The following BTLA variants were observed in gnomAD, a reference collection of about 807,000 sequenced individuals.
BTLA encodes the protein B- and T-lymphocyte attenuator.
In BTLA, 11 loss-of-function variants were observed where a neutral mutation model predicts 25.0. The ratio of observed to expected loss-of-function variants is 0.44; its 90% CI spans 0.28 to 0.73. The LOEUF is 0.73. Among genes scored for constraint, BTLA ranks in the 30% least tolerant of loss-of-function variants. The pLI, the probability that BTLA is intolerant of heterozygous loss-of-function variation, is 0.15. For missense variants in BTLA, 282 were observed against 332.8 expected (o/e 0.85, Z 1.19); for synonymous variants, 104 against 119.8 (o/e 0.87, Z 0.86).
rs865878075 is a variant in BTLA at position 112,466,525 on chromosome 3, C to T, written c.595-142G>A. On this transcript the variant is annotated intron_variant, in intron 4 of 4. Transcript: ENST00000334529. ...TACTGTTCCTCACATACTCTGCTGA[C>T]ATCTACACTTTCAGCTAAATTTCAA... 5.3e-5 allele frequency: 35 copies of T among 666,476 alleles called. No individual in the cohort carries two copies. In the South Asian group the frequency reaches 9.1e-4, roughly 17 times the overall value. 41.3% of individuals were successfully genotyped at this position (666,476 alleles called of 1,614,324 possible). A position where few individuals can be genotyped will look rare whatever the true frequency, so the allele number is the denominator to read the frequency against.
In BTLA at chr3:112,471,271, C is replaced by G. The variant is rs760514980; in HGVS notation, c.488G>C (p.Gly163Ala). The change falls in exon 3 of 5, where the codon GGA becomes GCA. Residue 163 changes from glycine to alanine, a missense_variant. By Grantham distance (60) the Gly-to-Ala change is moderately conservative. Around this residue, in one of 2 missense-constraint regions of BTLA, gnomAD observed 163 missense variants for 230.4 expected, o/e 0.71. Transcript: ENST00000334529. ...WLLYRLLPLG[G>A]LPLLITTCFC... ...ACAGGTAGTGATGAGTAGAGGCAAT[C>G]CCCCCAAAGGAAGTAAACGATACAG... is the stretch of plus-strand genomic sequence containing the variant. 12 of 1,614,048 alleles carry G rather than the reference C, an allele frequency of 7.4e-6. No homozygotes were observed. The highest frequency in any genetic ancestry group is 1.0e-5 in the Non-Finnish European group (12 of 1,179,958).
At chr3:112,471,381 G>C in intron 2 of BTLA, 26 bp from the exon 3 acceptor site, 1 of 1,610,522 alleles carries the variant, frequency 6.2e-7, no homozygotes, top group Non-Finnish European at 8.5e-7. Flanking sequence ...ATGCTAAAGA[G>C]AGTTAGGAAA....
At chr3:112,473,830 G>T (rs2082275939) in intron 2 of BTLA, among the ~76,000 whole-genome samples, 1 of 151,944 alleles carries the variant, frequency 6.6e-6, no homozygotes, top group Non-Finnish European at 1.5e-5. Flanking sequence ...TGACCAGGCT[G>T]ATCTCAAACT....
At chr3:112,473,856 T>C (rs957853724) in intron 2 of BTLA, among the ~76,000 whole-genome samples, 2 of 152,070 alleles carry the variant, frequency 1.3e-5, no homozygotes, top group Non-Finnish European at 2.9e-5. Context: ...CCTCAAGTGA[T>C]TTGTTCGTCT....
chr3:112,466,240 T>C lies in BTLA; in HGVS notation c.738A>G (p.Pro246=), dbSNP rs150521270. ...TGCCTGGTTTGTTTTCTTCCAGGCATGGATTAGAATAAACTTCAGACCCTT... is the reference window on the plus strand; with the variant it reads ...TGCCTGGTTTGTTTTCTTCCAGGCACGGATTAGAATAAACTTCAGACCCTT... The part of the protein sequence containing the change: ...MQEGSEVYSN[P]CLEENKPGIV... Residue 246 remains proline, a synonymous_variant, in exon 5 of 5, where the codon CCA becomes CCG. Coordinates refer to ENST00000334529, the MANE Select transcript of BTLA (RefSeq NM_181780.4). 6.3e-5 allele frequency: 101 copies of C among 1,613,998 alleles called. No homozygotes were observed. The highest frequency in any genetic ancestry group is 6.0e-5 in the Non-Finnish European group (71 of 1,179,990).
At chr3:112,498,425 C>T (rs1017894070) in intron 1 of BTLA, among the ~76,000 whole-genome samples, 2 of 151,928 alleles carry the variant, frequency 1.3e-5, no homozygotes, top group Admixed American at 6.6e-5. Flanking sequence ...GAGAGCAAAA[C>T]TCTTGTCTCA....
chr3:112,489,903 T>G (rs11919639), intron 1 of BTLA, among the ~76,000 whole-genome samples: 11,954 of 152,210 alleles, frequency 0.079, 591 homozygotes, highest in African/African-American at 0.14. Flanking sequence ...AATCTGTCTC[T>G]CAAATCTTCC....
intron 1 of BTLA, among the ~76,000 whole-genome samples, chr3:112,482,037 A>C (rs1053492671): frequency 3.3e-5 from 5 of 152,150 alleles, no homozygotes; most frequent in African/African-American, 1.2e-4. Flanking sequence ...TCCAGTTTCC[A>C]ATGGCTTGTT....
At chr3:112,475,316 G>C (rs1389751673) in intron 2 of BTLA, among the ~76,000 whole-genome samples, 2 of 152,048 alleles carry the variant, frequency 1.3e-5, no homozygotes, top group African/African-American at 2.4e-5. Flanking sequence ...AACTGACAAG[G>C]CCCTTCATGT....
chr3:112,466,145 G>T lies in BTLA; in HGVS notation c.833C>A (p.Ala278Glu), dbSNP rs1478845736. 1.9e-6 allele frequency: 3 copies of T among 1,608,710 alleles called. No individual in the cohort carries two copies. The highest frequency in any genetic ancestry group is 2.2e-5 in the East Asian group (1 of 44,700). ...NSRLARNVKE[A>E]PTEYASICVR... Reference sequence around the variant, plus strand: ...ACATATGGATGCATATTCTGTTGGTGCTTCTTTTACATTTCTTGCCAGTCT... The same window carrying T: ...ACATATGGATGCATATTCTGTTGGTTCTTCTTTTACATTTCTTGCCAGTCT... The change falls in exon 5 of 5, where the codon GCA becomes GAA. Residue 278 changes from alanine (A) to glutamate (E), a missense_variant. Transcript: ENST00000334529.
At chr3:112,481,623 T>C (rs1225043022) in intron 1 of BTLA, among the ~76,000 whole-genome samples, 2 of 152,234 alleles carry the variant, frequency 1.3e-5, no homozygotes, top group African/African-American at 4.8e-5. Context: ...CTCAAAGGCT[T>C]TGAAATGCCT....
intron 4 of BTLA, among the ~76,000 whole-genome samples, chr3:112,466,695 C>CA (rs1188412138): frequency 2.0e-5 from 3 of 151,878 alleles, no homozygotes; most frequent in Non-Finnish European, 4.4e-5. Context: ...ATGGAAAAAG[C>CA]AAAAAATATC....
chr3:112,495,811 A>T (rs907888519), intron 1 of BTLA, among the ~76,000 whole-genome samples: 3 of 152,196 alleles, frequency 2.0e-5, no homozygotes, highest in Non-Finnish European at 4.4e-5. Flanking sequence ...GCCAGTTTGT[A>T]GTAGAGCAAA....
chr3:112,493,762 G>A (rs1314028252), intron 1 of BTLA, among the ~76,000 whole-genome samples: 3 of 152,140 alleles, frequency 2.0e-5, no homozygotes, highest in African/African-American at 7.2e-5. Flanking sequence ...TCAGCTTCCT[G>A]AAGTGCTGGG....
intron 2 of BTLA, among the ~76,000 whole-genome samples, chr3:112,473,323 T>C (rs570146524): frequency 1.3e-5 from 2 of 152,170 alleles, no homozygotes; most frequent in African/African-American, 4.8e-5. Context: ...CCCACGATCA[T>C]TGACACAAAG....
Position 112,466,285 on chromosome 3 carries a change from G to T in BTLA, c.693C>A (p.Asp231Glu). 6.2e-7 allele frequency: 1 copy of T among 1,614,008 alleles called. No homozygotes were observed. ...ACCCTTCCTGCATCCTGAAACAAAG[G>T]TCAGGGTCATTATCATAAATTCCAG... ...SETGIYDNDP[D>E]LCFRMQEGSE... Residue 231 changes from aspartate (D) to glutamate (E), a missense_variant, in exon 5 of 5, where the codon GAC becomes GAA. Asp to Glu is a conservative substitution (Grantham distance 45, BLOSUM62 2). This residue lies in a region of BTLA where 119 missense variants were observed against 102.3 expected (regional missense o/e 1.16). Transcript: ENST00000334529.
At chr3:112,487,266 A>C (rs1013445110) in intron 1 of BTLA, among the ~76,000 whole-genome samples, 6 of 152,204 alleles carry the variant, frequency 3.9e-5, no homozygotes, top group Non-Finnish European at 7.3e-5. Context: ...GACATTGTTC[A>C]TGTTTGCTAG....
chr3:112,490,153 G>A (rs1283484421), intron 1 of BTLA, among the ~76,000 whole-genome samples: 1 of 152,104 alleles, frequency 6.6e-6, no homozygotes, highest in Non-Finnish European at 1.5e-5. Context: ...GTTAGGGTGG[G>A]GGAGTTCCAC....
chr3:112,476,596 A>G lies in BTLA; in HGVS notation c.403+2859T>C, dbSNP rs2082289783. 2.6e-5 allele frequency among the ~76,000 whole-genome samples: 4 copies of G among 152,324 alleles called. No individual in the cohort carries two copies. The South Asian group carries it at 8.3e-4, about 32-fold the overall frequency. On this transcript the variant is annotated intron_variant, in intron 2 of 4. Coordinates refer to ENST00000334529, the MANE Select transcript of BTLA (RefSeq NM_181780.4). Reference sequence around the variant, plus strand: ...TCCTTCCCAGTAACTTTAAGGGTCAATTTATGAGCAACAAAAGAAACTCCA... The same window carrying G: ...TCCTTCCCAGTAACTTTAAGGGTCAGTTTATGAGCAACAAAAGAAACTCCA...
Sources: gnomAD v4.1 joint callset for allele counts (sites outside exome capture counted in the v4.1 genomes callset) on GRCh38, gnomAD v4.1.1 for gene constraint, gnomAD v4.1.1 regional missense constraint, MANE v1.5 for transcripts, NCBI Gene and HGNC (gene_info 2026-07-23, HGNC 2026-07-21) for gene names.